Variants in WWOX observed in about 807,000 individuals in gnomAD.
The protein encoded by WWOX is WW domain-containing oxidoreductase.
A neutral mutation model predicts 46.2 loss-of-function variants in WWOX; 69 were observed. The observed-to-expected ratio is 1.49, with a 90% confidence interval of 1.23 to 1.82. The LOEUF (loss-of-function observed/expected upper bound fraction) is 1.82. Ranked by LOEUF, WWOX falls within the 40% of genes most tolerant of loss-of-function variation. The pLI, the probability that WWOX is intolerant of heterozygous loss-of-function variation, is 0.00. For synonymous variants in WWOX, 359 were observed against 202.6 expected, an observed-to-expected ratio of 1.77 and a Z score of -6.56; for missense variants, 919 against 542.6, an observed-to-expected ratio of 1.69 and a Z score of -6.89.
chr16:78,986,606 A>G (rs1409892867), intron 8 of WWOX, among the ~76,000 whole-genome samples: 2 of 152,214 alleles, frequency 1.3e-5, no homozygotes, highest in Admixed American at 6.5e-5. Context: ...ATTCCAGGTC[A>G]CTGGCGGACA....
At chr16:78,853,229 T>C (rs552941138) in intron 8 of WWOX, among the ~76,000 whole-genome samples, 14 of 152,300 alleles carry the variant, frequency 9.2e-5, no homozygotes, top group African/African-American at 3.4e-4. Context: ...TTTTTTCTTT[T>C]TTGTTTTTTC....
chr16:78,559,100 C>T (rs1567643941), intron 8 of WWOX, among the ~76,000 whole-genome samples: 1 of 152,272 alleles, frequency 6.6e-6, no homozygotes, highest in South Asian at 2.1e-4. Flanking sequence ...GGGAGAGGGA[C>T]AGTAGTGGGG....
chr16:78,377,318 T>G (rs1056991234), intron 5 of WWOX, among the ~76,000 whole-genome samples: 1 of 152,242 alleles, frequency 6.6e-6, no homozygotes, highest in Non-Finnish European at 1.5e-5. Context: ...TAATGGTGTC[T>G]GCTGAAGGAT....
chr16:79,015,720 T>C (rs1035250563), intron 8 of WWOX, among the ~76,000 whole-genome samples: 3 of 152,196 alleles, frequency 2.0e-5, no homozygotes, highest in Admixed American at 6.5e-5. Context: ...ATGGGCTGTT[T>C]CGTCTCTGAT....
At chr16:78,937,069 C>T (rs535640866) in intron 8 of WWOX, among the ~76,000 whole-genome samples, 3 of 152,264 alleles carry the variant, frequency 2.0e-5, no homozygotes, top group African/African-American at 4.8e-5. Flanking sequence ...TAGGTTTAAA[C>T]TACTGGAACT....
rs528362155 is a variant in WWOX at position 79,212,164 on chromosome 16, C to G, written c.*368C>G. The stretch of plus-strand genomic sequence containing the variant: ...CCCTCGTCCCATCCAGCTACCACCA[C>G]GGCCACCACTGCAGCCGGGGGCTGG... On this transcript the variant is annotated 3_prime_UTR_variant, in exon 9 of 9. Transcript: ENST00000566780. The G allele has an allele frequency of 2.6e-4, 386 of 1,494,462 alleles. 1 individual carries two copies. Among genetic ancestry groups the G allele is most frequent in the South Asian group, 3.6e-4 (28 of 76,912 alleles). The allele number at this position is 1,494,462 out of a possible 1,614,324, so 92.6% of individuals were successfully genotyped here.
At chr16:78,567,697 C>T (rs1567649899) in intron 8 of WWOX, among the ~76,000 whole-genome samples, 1 of 152,102 alleles carries the variant, frequency 6.6e-6, no homozygotes, top group Non-Finnish European at 1.5e-5. Flanking sequence ...CTGTTCCCCA[C>T]TGGCTGTGGA....
intron 8 of WWOX, chr16:79,203,242 C>G (rs1228474429): frequency 6.6e-6 from 1 of 152,184 alleles, no homozygotes; most frequent in Non-Finnish European, 1.5e-5. Flanking sequence ...GAGACACTCT[C>G]CACAGTATGT....
chr16:78,764,420 G>A (rs1355153044), intron 8 of WWOX, among the ~76,000 whole-genome samples: 1 of 151,204 alleles, frequency 6.6e-6, no homozygotes, highest in Non-Finnish European at 1.5e-5. Flanking sequence ...TGTTGGAAGG[G>A]AAATTGGTAT....
chr16:78,407,946 A>T (rs191556280), intron 6 of WWOX, among the ~76,000 whole-genome samples: 3 of 152,192 alleles, frequency 2.0e-5, no homozygotes, highest in Non-Finnish European at 4.4e-5. Context: ...TAATGTAGGA[A>T]TGGACATATC....
chr16:79,210,575 C>G (rs912555807), intron 8 of WWOX, among the ~76,000 whole-genome samples: 2 of 152,192 alleles, frequency 1.3e-5, no homozygotes, highest in African/African-American at 4.8e-5. Context: ...CCCTCTCCCT[C>G]TCATCAGCTG....
chr16:78,939,098 A>C (rs7203016), intron 8 of WWOX, among the ~76,000 whole-genome samples: 94,575 of 152,110 alleles, frequency 0.62, 29,468 homozygotes, highest in Middle Eastern at 0.67. Context: ...TAGACAGGAC[A>C]GTGGCCCCGC....
At chr16:78,220,652 A>G (rs2151797448) in intron 5 of WWOX, among the ~76,000 whole-genome samples, 1 of 152,334 alleles carries the variant, frequency 6.6e-6, no homozygotes, top group Middle Eastern at 3.4e-3. Flanking sequence ...CTTGTGTAAG[A>G]CAAAAAGTTT....
At chr16:78,517,118 A>T (rs192474096) in intron 8 of WWOX, among the ~76,000 whole-genome samples, 3 of 152,218 alleles carry the variant, frequency 2.0e-5, no homozygotes, top group Non-Finnish European at 4.4e-5. Flanking sequence ...CCATCCTTCA[A>T]ATATGAAGCA....
intron 8 of WWOX, among the ~76,000 whole-genome samples, chr16:79,022,078 A>T (rs28439645): frequency 6.6e-6 from 1 of 152,238 alleles, no homozygotes; most frequent in East Asian, 1.9e-4. Flanking sequence ...GGGGATGCCA[A>T]GTACCCTCTG....
intron 8 of WWOX, among the ~76,000 whole-genome samples, chr16:78,920,454 T>A (rs914782039): frequency 6.6e-6 from 1 of 152,206 alleles, no homozygotes; most frequent in African/African-American, 2.4e-5. Flanking sequence ...TCTTTGGACC[T>A]GTGATTTTCG....
At chr16:78,999,938 C>A (rs1419085311) in intron 8 of WWOX, among the ~76,000 whole-genome samples, 1 of 152,004 alleles carries the variant, frequency 6.6e-6, no homozygotes, top group Non-Finnish European at 1.5e-5. Context: ...AGCATTGTGC[C>A]ATATTTTCAC....
At chr16:78,670,202 C>T (rs28521654) in intron 8 of WWOX, among the ~76,000 whole-genome samples, 1,915 of 152,278 alleles carry the variant, frequency 0.013, 42 homozygotes, top group African/African-American at 0.044. Flanking sequence ...CAGCTCTAAC[C>T]ACAGCTGGAG....
intron 8 of WWOX, among the ~76,000 whole-genome samples, chr16:79,121,227 C>T (rs1452262713): frequency 6.6e-6 from 1 of 152,164 alleles, no homozygotes; most frequent in Non-Finnish European, 1.5e-5. Flanking sequence ...TGGGTATCCT[C>T]TGGGGCAGGG....
Sources: gnomAD v4.1 joint callset for allele counts (sites outside exome capture counted in the v4.1 genomes callset) on GRCh38, gnomAD v4.1.1 for gene constraint, MANE v1.5 for transcripts, NCBI Gene and HGNC (gene_info 2026-07-23, HGNC 2026-07-21) for gene names.